Variants in PCDHGB2 observed in about 807,000 individuals in gnomAD.
The protein encoded by PCDHGB2 is protocadherin gamma subfamily B, 2, also known as protocadherin gamma-B2.
In PCDHGB2, 55 loss-of-function variants were observed where a neutral mutation model predicts 59.3. The ratio of observed to expected loss-of-function variants is 0.93; its 90% CI spans 0.75 to 1.16. PCDHGB2 has a LOEUF of 1.16. Ranked by LOEUF, PCDHGB2 falls within the 50% of genes most tolerant of loss-of-function variation. PCDHGB2 has a pLI of 0.00. For missense variants in PCDHGB2, 1,228 were observed against 1,198.5 expected, an observed-to-expected ratio of 1.02 and a Z score of -0.36; for synonymous variants, 516 against 512.0, an observed-to-expected ratio of 1.01 and a Z score of -0.11.
chr5:141,400,690 A>G (rs928893484), intron 1 of PCDHGB2: 6 of 790,238 alleles, frequency 7.6e-6, no homozygotes, highest in Non-Finnish European at 8.1e-6. Flanking sequence ...GTGAGTTTTT[A>G]TGTCGCATAA....
At chr5:141,406,011 G>A (rs1380278745) in intron 1 of PCDHGB2, among the ~76,000 whole-genome samples, 7 of 151,702 alleles carry the variant, frequency 4.6e-5, no homozygotes, top group African/African-American at 1.7e-4. Context: ...CATTGATGTG[G>A]GCTTTTTGGG....
At chr5:141,505,245 A>G (rs530515894) in intron 2 of PCDHGB2, 148 bp from the exon 3 acceptor site, 294 of 1,430,832 alleles carry the variant, frequency 2.1e-4, no homozygotes, top group Admixed American at 1.8e-3. Flanking sequence ...GAAGGATTGT[A>G]GAAGTGCCTC....
chr5:141,361,492 C>G lies in PCDHGB2; in HGVS notation c.1357C>G (p.Gln453Glu). The G allele has an allele frequency of 6.2e-7, 1 of 1,614,018 alleles. No homozygotes were observed. Among genetic ancestry groups the G allele is most frequent in the Non-Finnish European group, 8.5e-7 (1 of 1,179,888 alleles). ...SDVNDNAPVFQQTSYMVHVAE... is the reference protein window; with the variant it reads ...SDVNDNAPVFEQTSYMVHVAE... ...CGTCAACGATAATGCCCCAGTTTTC[C>G]AACAGACTTCCTACATGGTTCACGT... The change falls in exon 1 of 4, where the codon CAA becomes GAA. Residue 453 changes from glutamine (Q) to glutamate (E), a missense_variant. Coordinates refer to ENST00000522605, the MANE Select transcript of PCDHGB2 (RefSeq NM_018923.3).
chr5:141,360,034 G>A lies in PCDHGB2; in HGVS notation c.-102G>A, dbSNP rs1436602507. 2 of 1,398,676 alleles carry A rather than the reference G, an allele frequency of 1.4e-6. No homozygotes were observed. The highest frequency in any genetic ancestry group is 1.5e-5 in the African/African-American group (1 of 68,658). 86.6% of individuals were successfully genotyped at this position (1,398,676 alleles called of 1,614,324 possible). A position where few individuals can be genotyped will look rare whatever the true frequency, so the allele number is the denominator to read the frequency against. On this transcript the variant is annotated 5_prime_UTR_variant, in exon 1 of 4. Coordinates refer to ENST00000522605, the MANE Select transcript of PCDHGB2 (RefSeq NM_018923.3). ...ACACAGAGAAGGCCAGTATAGATTC[G>A]GAAACAGAAAACAAAAGCAGGAAAA...
chr5:141,400,571 C>T (rs781701893), intron 1 of PCDHGB2: 1 of 1,612,704 alleles, frequency 6.2e-7, no homozygotes, highest in South Asian at 1.1e-5. Context: ...ACCCAATTTT[C>T]TGTATTTACA....
In PCDHGB2 at chr5:141,460,999, G is replaced by GTA. The variant is rs1350972422; in HGVS notation, c.2422-33797_2422-33796dup. Reference sequence around the variant, plus strand: ...TGTGTGTGTGTATATATATATATGTGTATATATATATACCACATTTTCTTT... The same window carrying GTA: ...TGTGTGTGTGTATATATATATATGTGTATATATATATATACCACATTTTCTTT... On this transcript the variant is annotated intron_variant, in intron 1 of 3. Coordinates refer to ENST00000522605, the MANE Select transcript of PCDHGB2 (RefSeq NM_018923.3). Among the ~76,000 whole-genome samples, 54 of 149,566 alleles carry GTA rather than the reference G, an allele frequency of 3.6e-4. No homozygotes were observed. The South Asian group carries it at 4.2e-3, about 12-fold the overall frequency.
At chr5:141,482,673 G>A (rs1278135239) in intron 1 of PCDHGB2, among the ~76,000 whole-genome samples, 1 of 152,156 alleles carries the variant, frequency 6.6e-6, no homozygotes, top group Non-Finnish European at 1.5e-5. Context: ...TAAAGGTTGA[G>A]TAGTAGCTTG....
chr5:141,369,622 A>C (rs904281390), intron 1 of PCDHGB2, among the ~76,000 whole-genome samples: 3 of 152,224 alleles, frequency 2.0e-5, no homozygotes, highest in African/African-American at 7.2e-5. Flanking sequence ...TCATTTCCTC[A>C]TTACCTTTAA....
intron 1 of PCDHGB2, among the ~76,000 whole-genome samples, chr5:141,456,907 G>A (rs1430292511): frequency 6.6e-6 from 1 of 152,108 alleles, no homozygotes; most frequent in Non-Finnish European, 1.5e-5. Flanking sequence ...AGGTTGCAGT[G>A]AGCCGAGATC....
At chr5:141,423,572 G>A (rs1239529114) in intron 1 of PCDHGB2, 1 of 1,613,510 alleles carries the variant, frequency 6.2e-7, no homozygotes, top group Admixed American at 1.7e-5. Flanking sequence ...ACGCTCATCA[G>A]CCAGGAGAGC....
At chr5:141,453,206 T>G (rs914064627) in intron 1 of PCDHGB2, among the ~76,000 whole-genome samples, 8 of 152,102 alleles carry the variant, frequency 5.3e-5, no homozygotes, top group African/African-American at 1.9e-4. Context: ...CTCAACCTCG[T>G]GCACTTAAGC....
rs758728447 is a variant in PCDHGB2 at position 141,360,665 on chromosome 5, A to T, written c.530A>T (p.Tyr177Phe). The stretch of plus-strand genomic sequence containing the variant: ...AGATACCACCTTAATGACAACGAGT[A>T]CTTTGATCTCGCTGAGAAACAGACT... The part of the protein sequence containing the change: ...LQRYHLNDNE[Y>F]FDLAEKQTPD... The change falls in exon 1 of 4, where the codon TAC (tyrosine) becomes TTC (phenylalanine). Residue 177 changes from tyrosine to phenylalanine, a missense_variant. Physicochemically the swap from Tyr to Phe is conservative, Grantham distance 22. Coordinates refer to ENST00000522605, the MANE Select transcript of PCDHGB2 (RefSeq NM_018923.3). 1 of 1,614,024 alleles carries T rather than the reference A, an allele frequency of 6.2e-7. No individual in the cohort carries two copies. Among genetic ancestry groups the T allele is most frequent in the Non-Finnish European group, 8.5e-7 (1 of 1,179,900 alleles).
chr5:141,410,781 T>C, intron 1 of PCDHGB2: 2 of 937,378 alleles, frequency 2.1e-6, no homozygotes, highest in Non-Finnish European at 1.5e-6. Flanking sequence ...TCACTATGTA[T>C]TTGGTTCATA....
chr5:141,491,138 C>T lies in PCDHGB2; in HGVS notation c.2422-3669C>T. The T allele has an allele frequency of 1.2e-6, 2 of 1,614,106 alleles. No individual in the cohort carries two copies. The highest frequency in any genetic ancestry group is 1.7e-6 in the Non-Finnish European group (2 of 1,179,962). On this transcript the variant is annotated intron_variant, in intron 1 of 3. Transcript: ENST00000522605. The surrounding 1 kb of genome is among the most constrained non-coding windows in gnomAD (Gnocchi z 6.9). ...ACTGGTGAGGTGCGCACAGCCCGGG[C>T]CTTACTGGAGGATGACTCTGACACC...
chr5:141,365,600 G>A (rs1234948467), intron 1 of PCDHGB2: 1 of 1,613,374 alleles, frequency 6.2e-7, no homozygotes, highest in East Asian at 2.2e-5. Context: ...CACTTTAACC[G>A]TCATGGACCA....
At chr5:141,404,399 G>A in intron 1 of PCDHGB2, 2 of 1,613,896 alleles carry the variant, frequency 1.2e-6, no homozygotes, top group Non-Finnish European at 1.7e-6. Context: ...TGATAGCAAT[G>A]AGAATTCTAG....
chr5:141,422,543 T>C lies in PCDHGB2; in HGVS notation c.2421+59987T>C, dbSNP rs2096655736. 1 of 1,613,882 alleles carries C rather than the reference T, an allele frequency of 6.2e-7. No homozygotes were observed. Among genetic ancestry groups the C allele is most frequent in the African/African-American group, 1.3e-5 (1 of 74,928 alleles). Reference sequence around the variant, plus strand: ...CCGCCTTTGTCTGCAGAAACTCATGTCTGGCTGAATGTGGCAGATGACAAC... The same window carrying C: ...CCGCCTTTGTCTGCAGAAACTCATGCCTGGCTGAATGTGGCAGATGACAAC... On this transcript the variant is annotated intron_variant, in intron 1 of 3. Coordinates refer to ENST00000522605, the MANE Select transcript of PCDHGB2 (RefSeq NM_018923.3).
intron 1 of PCDHGB2, chr5:141,413,345 G>A (rs2095628318): frequency 8.7e-6 from 14 of 1,613,996 alleles, no homozygotes; most frequent in Non-Finnish European, 1.0e-5. Flanking sequence ...AAGGACTTGG[G>A]TCTGGCGCCC....
At chr5:141,399,681 C>G (rs2093865042) in intron 1 of PCDHGB2, 1 of 1,613,408 alleles carries the variant, frequency 6.2e-7, no homozygotes, top group South Asian at 1.1e-5. Flanking sequence ...CCTTTGACTA[C>G]GAGCAGCTGC....
Sources: allele counts gnomAD v4.1 joint callset (sites outside exome capture counted in the v4.1 genomes callset), GRCh38; gene constraint gnomAD v4.1.1; non-coding constraint Gnocchi (gnomAD v3.1); transcripts MANE v1.5; gene names NCBI Gene and HGNC (gene_info 2026-07-23, HGNC 2026-07-21).